ERMARD: variants seen among roughly 807,000 people sequenced by gnomAD.
ERMARD encodes ER membrane associated RNA degradation.
In ERMARD, 71 loss-of-function variants were observed where a neutral mutation model predicts 83.9. The ratio of observed to expected loss-of-function variants is 0.85; its 90% CI spans 0.70 to 1.03. The LOEUF is 1.03. Ranked by LOEUF, ERMARD falls within the 50% of genes least tolerant of loss-of-function variation. The probability of loss-of-function intolerance (pLI) is 0.00; values close to 1 mark genes in which losing one functional copy is unlikely to be tolerated. For missense variants in ERMARD, 838 were observed against 810.9 expected, an observed-to-expected ratio of 1.03 and a Z score of -0.41; for synonymous variants, 284 against 298.6, an observed-to-expected ratio of 0.95 and a Z score of 0.50.
intron 12 of ERMARD, 144 bp from the exon 13 acceptor site, chr6:169,773,175 A>G: frequency 3.2e-6 from 2 of 620,958 alleles, no homozygotes. Flanking sequence ...AGCCTATTTT[A>G]ATGAAGCACT....
intron 9 of ERMARD, among the ~76,000 whole-genome samples, chr6:169,763,013 C>T (rs1453528644): frequency 6.6e-6 from 1 of 152,142 alleles, no homozygotes; most frequent in Non-Finnish European, 1.5e-5. Flanking sequence ...TTCTTGAGCC[C>T]CTCCATGTGT....
rs1237373351 is a variant in ERMARD, at chr6:169,781,312, T to A, written c.1854-18T>A. The A allele has an allele frequency of 3.2e-6, 5 of 1,576,624 alleles. No homozygotes were observed. The highest frequency in any genetic ancestry group is 4.3e-6 in the Non-Finnish European group (5 of 1,168,066). On this transcript the variant is annotated intron_variant, in intron 17 of 17. Transcript: ENST00000366773. ...TTTTATAATGGAATGGATAAAGAAATTAATTTTTTTTTTACAGGTTTGTAA... is the reference window on the plus strand; with the variant it reads ...TTTTATAATGGAATGGATAAAGAAAATAATTTTTTTTTTACAGGTTTGTAA...
At position 169,759,957 on chromosome 6, in the gene ERMARD, A is replaced by G. The variant is rs1373333902; in HGVS notation, c.725A>G (p.Asp242Gly). 1 of 1,614,042 alleles carries G rather than the reference A, an allele frequency of 6.2e-7. No individual in the cohort carries two copies. The highest frequency in any genetic ancestry group is 1.7e-5 in the Admixed American group (1 of 60,008). The change falls in exon 7 of 18, where the codon GAT becomes GGT. Residue 242 changes from aspartate (D) to glycine (G), a missense_variant. Coordinates refer to ENST00000366773, the MANE Select transcript of ERMARD (RefSeq NM_018341.3). ...RSFISLTNLE[D>G]LIVFPDVTYE... ...TTCATATCTCTTACAAACCTCGAGGATTTGATTGTTTTTCCTGGTAAGTAC... is the reference window on the plus strand; with the variant it reads ...TTCATATCTCTTACAAACCTCGAGGGTTTGATTGTTTTTCCTGGTAAGTAC...
chr6:169,779,810 TC>T (rs1234687233), intron 17 of ERMARD, among the ~76,000 whole-genome samples: 8 of 152,296 alleles, frequency 5.3e-5, no homozygotes, highest in Admixed American at 2.0e-4. Context: ...TGTTTCCAAT[TC>T]GGGAAGTCCA....
At chr6:169,766,607 T>G (rs1408460254) in intron 9 of ERMARD, 31 bp from the exon 10 acceptor site, 1 of 1,553,026 alleles carries the variant, frequency 6.4e-7, no homozygotes, top group Non-Finnish European at 8.7e-7. Context: ...TTGCTTTAAT[T>G]GTTTATTTTC....
intron 12 of ERMARD, chr6:169,772,966 G>T: frequency 4.8e-6 from 1 of 209,430 alleles, no homozygotes. Context: ...AAATGTTTAT[G>T]CGATCCTTTT....
chr6:169,776,713 G>T, intron 16 of ERMARD, 40 bp downstream of exon 16: 1 of 1,604,758 alleles, frequency 6.2e-7, no homozygotes, highest in Non-Finnish European at 8.5e-7. Context: ...GCACTGTGGG[G>T]CAGGAAGTTG....
chr6:169,754,941 AT>A (rs1472630823), intron 2 of ERMARD, among the ~76,000 whole-genome samples: 1 of 152,196 alleles, frequency 6.6e-6, no homozygotes. Context: ...GCCTGGTTTA[AT>A]TAAAAAAAAA....
At chr6:169,777,100 T>TAA (rs751612337) in intron 16 of ERMARD, among the ~76,000 whole-genome samples, 38 of 152,158 alleles carry the variant, frequency 2.5e-4, no homozygotes, top group Non-Finnish European at 5.0e-4. Flanking sequence ...TTTTGAGTCT[T>TAA]TGATGAGCCT....
At chr6:169,781,254 G>A in intron 17 of ERMARD, 76 bp from the exon 18 acceptor site, 1 of 1,328,432 alleles carries the variant, frequency 7.5e-7, no homozygotes, top group Non-Finnish European at 1.0e-6. Context: ...ATAATTCCAA[G>A]AATGAAGTGA....
intron 9 of ERMARD, among the ~76,000 whole-genome samples, chr6:169,766,205 G>A (rs1192947436): frequency 6.6e-6 from 1 of 152,242 alleles, no homozygotes; most frequent in African/African-American, 2.4e-5. Context: ...CATGTCTGTA[G>A]GCCGTGCCGA....
chr6:169,767,760 C>T (rs1467854899), intron 10 of ERMARD: 2 of 265,008 alleles, frequency 7.5e-6, no homozygotes, highest in South Asian at 5.0e-5. Flanking sequence ...ATACACTACA[C>T]ACACACACAC....
chr6:169,772,284 T>C (rs1793021173), intron 12 of ERMARD, among the ~76,000 whole-genome samples: 2 of 152,226 alleles, frequency 1.3e-5, no homozygotes, highest in Admixed American at 6.5e-5. Flanking sequence ...GGCACACATA[T>C]GCTGCGTGTG....
chr6:169,762,354 C>T (rs1203774336), intron 8 of ERMARD, 75 bp from the exon 9 acceptor site: 21 of 1,354,510 alleles, frequency 1.6e-5, no homozygotes, highest in Non-Finnish European at 2.1e-5. Flanking sequence ...GGATTACAGG[C>T]ATGAGCCACT....
At chr6:169,756,164 A>T (rs967489357) in intron 3 of ERMARD, among the ~76,000 whole-genome samples, 174 bp from the exon 4 acceptor site, 4 of 152,222 alleles carry the variant, frequency 2.6e-5, no homozygotes, top group African/African-American at 7.2e-5. Context: ...TAGCTATTAA[A>T]ATATTTTTAT....
intron 6 of ERMARD, among the ~76,000 whole-genome samples, chr6:169,759,323 G>A (rs911155868): frequency 6.6e-6 from 1 of 152,162 alleles, no homozygotes; most frequent in African/African-American, 2.4e-5. Context: ...GGGTGGGTGG[G>A]AGACCCTGAG....
At chr6:169,772,618 A>C (rs1377567145) in intron 12 of ERMARD, among the ~76,000 whole-genome samples, 1 of 152,040 alleles carries the variant, frequency 6.6e-6, no homozygotes, top group East Asian at 1.9e-4. Context: ...AAATAAAAAA[A>C]AATTAGCCAG....
At position 169,766,671 on chromosome 6, in the gene ERMARD, A is replaced by C; in HGVS notation, c.990+4A>C. ...TCTTTATACCACCTTTGATCAAGTA[A>C]GTAAGTAAACTTGTAAGGTAACTTG... is the stretch of plus-strand genomic sequence containing the variant. On this transcript the variant is annotated splice_donor_region_variant and intron_variant, in intron 10 of 17. Transcript: ENST00000366773. 13 of 1,573,016 alleles carry C rather than the reference A, an allele frequency of 8.3e-6. No individual in the cohort carries two copies. The highest frequency in any genetic ancestry group is 2.3e-5 in the East Asian group (1 of 43,814).
At chr6:169,770,205 A>G (rs1792734677) in intron 12 of ERMARD, among the ~76,000 whole-genome samples, 2 of 152,238 alleles carry the variant, frequency 1.3e-5, no homozygotes, top group African/African-American at 4.8e-5. Context: ...AATTACTAGA[A>G]ATAGAAAAAT....
Sources: gnomAD v4.1 joint callset for allele counts (sites outside exome capture counted in the v4.1 genomes callset) on GRCh38, gnomAD v4.1.1 for gene constraint, MANE v1.5 for transcripts, NCBI Gene and HGNC (gene_info 2026-07-23, HGNC 2026-07-21) for gene names.